The following LRP5 variants were observed in gnomAD, a reference collection of about 807,000 sequenced individuals.
LRP5 encodes low-density lipoprotein receptor-related protein 5.
A neutral mutation model predicts 154.1 loss-of-function variants in LRP5; 62 were observed. The observed-to-expected ratio is 0.40, with a 90% CI of 0.33 to 0.50. The LOEUF (loss-of-function observed/expected upper bound fraction) is 0.50, where lower values mean the gene tolerates loss of function less well. LRP5 is among the 20% of genes least tolerant of loss of function. The pLI, the probability that LRP5 is intolerant of heterozygous loss-of-function variation, is 0.55. For synonymous variants in LRP5, 966 were observed against 1,011.5 expected, an observed-to-expected ratio of 0.96 and a Z score of 0.85; for missense variants, 1,915 against 2,336.7, an observed-to-expected ratio of 0.82 and a Z score of 3.72.
rs995132293 is a variant in LRP5, at chr11:68,423,076, A to G, written c.3028-413A>G. Among the ~76,000 whole-genome samples the G allele has an allele frequency of 3.3e-5, 5 of 152,072 alleles. No individual in the cohort carries two copies. Among genetic ancestry groups the G allele is most frequent in the Non-Finnish European group, 5.9e-5 (4 of 68,018 alleles). On this transcript the variant is annotated intron_variant, in intron 13 of 22. Transcript: ENST00000294304. The surrounding 1 kb of genome is among the most constrained non-coding windows in gnomAD (Gnocchi z 4.7). ...ACAGGGATGTGTTGGGAAGGGCCCC[A>G]TGGTCTTGGATCCCTTCTCGACTGT...
intron 7 of LRP5, among the ~76,000 whole-genome samples, chr11:68,394,165 T>C (rs1333590418): frequency 6.6e-6 from 1 of 152,170 alleles, no homozygotes; most frequent in Non-Finnish European, 1.5e-5. Flanking sequence ...GGATACACGA[T>C]GTCTGTGGTT....
rs945344576 is a variant in LRP5 at position 68,413,113 on chromosome 11, G to A, written c.2504-576G>A. On this transcript the variant is annotated intron_variant, in intron 11 of 22. Coordinates refer to ENST00000294304, the MANE Select transcript of LRP5 (RefSeq NM_002335.4). This position sits in a 1 kb window ranked among gnomAD's most constrained non-coding sequence, Gnocchi z 5.1. ...CACATCCCGTGACCCAGCTCATCCAGGCCGCATGCAAACCTGTTGCCAGGC... is the reference window on the plus strand; with the variant it reads ...CACATCCCGTGACCCAGCTCATCCAAGCCGCATGCAAACCTGTTGCCAGGC... 5.0e-6 allele frequency: 1 copy of A among 198,466 alleles called. No homozygotes were observed. The allele number at this position is 198,466 out of a possible 1,614,324, so 12.3% of individuals were successfully genotyped here.
chr11:68,413,505 A>C lies in LRP5; in HGVS notation c.2504-184A>C, dbSNP rs1255743661. ...TGTGTGACTGTAGCCAGGTCACTTA[A>C]TTTTGCTAGATCCTGCCTGCGCTTC... On this transcript the variant is annotated intron_variant, in intron 11 of 22. Transcript: ENST00000294304. The surrounding 1 kb of genome is among the most constrained non-coding windows in gnomAD (Gnocchi z 5.1). Among the ~76,000 whole-genome samples, 1 of 152,122 alleles carries C rather than the reference A, an allele frequency of 6.6e-6. No individual in the cohort carries two copies. Among genetic ancestry groups the C allele is most frequent in the Non-Finnish European group, 1.5e-5 (1 of 68,026 alleles).
intron 7 of LRP5, among the ~76,000 whole-genome samples, chr11:68,399,547 C>T (rs979315495): frequency 1.1e-4 from 17 of 152,226 alleles, no homozygotes; most frequent in African/African-American, 3.9e-4. Context: ...CTCCCAAGTT[C>T]TCTTCCGGCA....
In LRP5 at chr11:68,402,173, T is replaced by C. The variant is rs565357446; in HGVS notation, c.1585-1310T>C. Reference sequence around the variant, plus strand: ...TGTGGAAGCTTGCCTTTAATGGCCTTGTGTCTCTTTCATCCTGTCCTGAGA... The same window carrying C: ...TGTGGAAGCTTGCCTTTAATGGCCTCGTGTCTCTTTCATCCTGTCCTGAGA... On this transcript the variant is annotated intron_variant, in intron 7 of 22. Transcript: ENST00000294304. Among the ~76,000 whole-genome samples, 3 of 152,338 alleles carry C rather than the reference T, an allele frequency of 2.0e-5. No homozygotes were observed. The South Asian group carries it at 6.2e-4, about 32-fold the overall frequency.
In LRP5 at chr11:68,395,348, G is replaced by A. The variant is rs183905347; in HGVS notation, c.1584+5296G>A. Among the ~76,000 whole-genome samples the A allele has an allele frequency of 5.3e-5, 8 of 149,882 alleles. No homozygotes were observed. The South Asian group carries it at 8.4e-4, about 16-fold the overall frequency. ...AAAAGACCAACCGAGGAATTGAAGT[G>A]GGGGGGCGTCACAGTAGCAGAAGGG... On this transcript the variant is annotated intron_variant, in intron 7 of 22. Transcript: ENST00000294304.
rs536928726 is a variant in LRP5, at chr11:68,438,561, C to T, written c.4227C>T (p.Arg1409=). The change falls in exon 20 of 23, where the codon CGC becomes CGT. Residue 1409 remains arginine (R), a synonymous_variant. Coordinates refer to ENST00000294304, the MANE Select transcript of LRP5 (RefSeq NM_002335.4). ...GTGGTGTCTATTTTGTGTGCCAGCGCGTGGTGTGCCAGCGCTATGCGGGGG... is the reference window on the plus strand; with the variant it reads ...GTGGTGTCTATTTTGTGTGCCAGCGTGTGGTGTGCCAGCGCTATGCGGGGG... The part of the protein sequence containing the change: ...VMGGVYFVCQ[R]VVCQRYAGAN... 8.7e-6 allele frequency: 14 copies of T among 1,614,164 alleles called. No homozygotes were observed. Among genetic ancestry groups the T allele is most frequent in the Admixed American group, 6.7e-5 (4 of 60,036 alleles).
At chr11:68,406,431 G>T (rs2098655707) in intron 8 of LRP5, 93 bp from the exon 9 acceptor site, 2 of 1,346,736 alleles carry the variant, frequency 1.5e-6, no homozygotes, top group South Asian at 2.3e-5. Flanking sequence ...TGAGCTGTGT[G>T]GCTCACGGCA....
chr11:68,379,498 G>C (rs1280806090), intron 5 of LRP5, among the ~76,000 whole-genome samples: 2 of 152,166 alleles, frequency 1.3e-5, no homozygotes, highest in African/African-American at 2.4e-5. Flanking sequence ...TTAAGTGTCA[G>C]ACAGGCCTTT....
At chr11:68,332,659 C>T (rs1286555840) in intron 1 of LRP5, among the ~76,000 whole-genome samples, 1 of 152,100 alleles carries the variant, frequency 6.6e-6, no homozygotes, top group Non-Finnish European at 1.5e-5. Flanking sequence ...TGGAGGTGGT[C>T]AGGGTGGAGT....
intron 9 of LRP5, among the ~76,000 whole-genome samples, chr11:68,408,160 C>T (rs566842502): frequency 6.6e-6 from 1 of 151,820 alleles, no homozygotes; most frequent in East Asian, 1.9e-4. Flanking sequence ...ACTGCAGCCT[C>T]GACCTCCTGG....
chr11:68,388,097 C>T (rs1178621245), intron 6 of LRP5, among the ~76,000 whole-genome samples: 3 of 151,958 alleles, frequency 2.0e-5, no homozygotes, highest in Non-Finnish European at 4.4e-5. Flanking sequence ...GCTCGAGCAG[C>T]CATCCGTGGA....
chr11:68,436,318 C>G (rs2098674878), intron 18 of LRP5, among the ~76,000 whole-genome samples: 1 of 151,990 alleles, frequency 6.6e-6, no homozygotes, highest in South Asian at 2.1e-4. Context: ...GGCTATGGCT[C>G]CCTCTGGGTG....
intron 3 of LRP5, among the ~76,000 whole-genome samples, chr11:68,362,010 G>T (rs768532673): frequency 6.6e-6 from 1 of 152,206 alleles, no homozygotes; most frequent in Non-Finnish European, 1.5e-5. Flanking sequence ...ACAGCCGAGG[G>T]TGGAAATGAC....
At chr11:68,399,576 C>T (rs2098651479) in intron 7 of LRP5, among the ~76,000 whole-genome samples, 1 of 152,206 alleles carries the variant, frequency 6.6e-6, no homozygotes, top group African/African-American at 2.4e-5. Flanking sequence ...CCTGGGTGTC[C>T]TAAATTTGGC....
At chr11:68,372,138 G>A (rs1447678753) in intron 5 of LRP5, among the ~76,000 whole-genome samples, 1 of 152,264 alleles carries the variant, frequency 6.6e-6, no homozygotes, top group East Asian at 1.9e-4. Flanking sequence ...ATTCAGGATG[G>A]AAGACATGGC....
chr11:68,436,974 C>G lies in LRP5; in HGVS notation c.4086C>G (p.Ile1362Met). 1 of 1,613,628 alleles carries G rather than the reference C, an allele frequency of 6.2e-7. No individual in the cohort carries two copies. Among genetic ancestry groups the G allele is most frequent in the Non-Finnish European group, 8.5e-7 (1 of 1,179,902 alleles). Residue 1362 changes from isoleucine (I) to methionine (M), a missense_variant, in exon 19 of 23, where the codon ATC becomes ATG. By Grantham distance (10) the Ile-to-Met change is conservative (BLOSUM62 1). Around this residue, in one of 3 missense-constraint regions of LRP5, gnomAD observed 1,094 missense variants for 1,210.1 expected, o/e 0.90. Transcript: ENST00000294304. Reference protein sequence around the residue: ...KQQCDSFPDCIDGSDELMCEI... With the variant: ...KQQCDSFPDCMDGSDELMCEI... ...AGTGCGACTCCTTCCCCGACTGTAT[C>G]GACGGCTCCGACGAGCTCATGTGTG...
rs555988205 is a variant in LRP5 at position 68,328,069 on chromosome 11, G to C, written c.91+15264G>C. On this transcript the variant is annotated intron_variant, in intron 1 of 22. Transcript: ENST00000294304. ...CTCAAAGAATGTTAGCCTCTGAGAT[G>C]CATCAGGAGACCAGGAGGCAAGGGG... is the stretch of plus-strand genomic sequence containing the variant. 1.1e-4 allele frequency among the ~76,000 whole-genome samples: 16 copies of C among 152,340 alleles called. No homozygotes were observed. In the East Asian group the frequency reaches 3.1e-3, roughly 29 times the overall value.
intron 7 of LRP5, among the ~76,000 whole-genome samples, chr11:68,402,298 G>T (rs1437109275): frequency 6.6e-6 from 1 of 152,186 alleles, no homozygotes; most frequent in Non-Finnish European, 1.5e-5. Flanking sequence ...TCACGCGGCT[G>T]TATGCTTCCG....
Sources: allele counts gnomAD v4.1 joint callset (sites outside exome capture counted in the v4.1 genomes callset), GRCh38; gene constraint gnomAD v4.1.1; regional missense constraint gnomAD v4.1.1; non-coding constraint Gnocchi (gnomAD v3.1); transcripts MANE v1.5; gene names NCBI Gene and HGNC (gene_info 2026-07-23, HGNC 2026-07-21).